The following CCDC62 variants were observed in gnomAD, a reference collection of about 807,000 sequenced individuals.
CCDC62 encodes coiled-coil domain-containing protein 62.
In CCDC62, 72 loss-of-function variants were observed where a neutral mutation model predicts 80.8. The observed-to-expected ratio is 0.89, with a 90% CI of 0.74 to 1.08. The LOEUF is 1.08. CCDC62 is among the 50% of genes least tolerant of loss of function. The pLI is 0.00. For synonymous variants in CCDC62, 286 were observed against 296.5 expected, an observed-to-expected ratio of 0.96 and a Z score of 0.36; for missense variants, 704 against 809.4, an observed-to-expected ratio of 0.87 and a Z score of 1.58.
At chr12:122,785,107 A>C (rs543967274) in intron 3 of CCDC62, among the ~76,000 whole-genome samples, 2 of 152,278 alleles carry the variant, frequency 1.3e-5, no homozygotes, top group East Asian at 3.9e-4. Flanking sequence ...CCACCACTGC[A>C]CTCCAGCCTG....
chr12:122,793,737 G>A (rs761638587), intron 6 of CCDC62, among the ~76,000 whole-genome samples: 14 of 151,940 alleles, frequency 9.2e-5, no homozygotes, highest in South Asian at 2.1e-4. Flanking sequence ...TTACAGGTGC[G>A]AGCCACCATG....
At chr12:122,775,738 A>G (rs839355) in intron 1 of CCDC62, among the ~76,000 whole-genome samples, 141,440 of 152,240 alleles carry the variant, frequency 0.93, 65,866 homozygotes, top group East Asian at 0.99. Context: ...TCAGCCTCCC[A>G]AATAGCTGGG....
chr12:122,789,187 A>G (rs2135541606), intron 5 of CCDC62, among the ~76,000 whole-genome samples: 1 of 152,332 alleles, frequency 6.6e-6, no homozygotes, highest in Non-Finnish European at 1.5e-5. Flanking sequence ...ACCATTAGCT[A>G]TCGCTAATAC....
At chr12:122,818,389 C>A (rs1437142443) in intron 11 of CCDC62, among the ~76,000 whole-genome samples, 1 of 148,898 alleles carries the variant, frequency 6.7e-6, no homozygotes. Flanking sequence ...TGAGGCGGAG[C>A]TTGCAGTGAG....
intron 4 of CCDC62, among the ~76,000 whole-genome samples, chr12:122,787,136 T>G (rs982574282): frequency 1.3e-5 from 2 of 151,932 alleles, no homozygotes; most frequent in Non-Finnish European, 1.5e-5. Context: ...ATTAAAACAG[T>G]GGGTGCGTTA....
At position 122,812,771 on chromosome 12, in the gene CCDC62, GAGAGAGAGAAAGAA is replaced by G. The variant is rs1212904360; in HGVS notation, c.1852-495_1852-482del. ...AGAGAGGGAGGGAGAGAGAGAGAGA[GAGAGAGAGAAAGAA>G]AGAAAGAAAGAAAGAAAGAAAGAAA... On this transcript the variant is annotated intron_variant, in intron 10 of 12. Transcript: ENST00000253079. 1.0e-4 allele frequency among the ~76,000 whole-genome samples: 10 copies of G among 95,248 alleles called. No individual in the cohort carries two copies. In the East Asian group the frequency reaches 1.3e-3, roughly 12 times the overall value. The allele number at this position is 95,248 out of a possible 152,430, so 62.5% of individuals were successfully genotyped here. A position where few individuals can be genotyped will look rare whatever the true frequency, so the allele number is the denominator to read the frequency against.
chr12:122,811,210 CTTT>C (rs34599465), intron 10 of CCDC62, among the ~76,000 whole-genome samples: 2 of 120,090 alleles, frequency 1.7e-5, no homozygotes, highest in Middle Eastern at 4.7e-3. Flanking sequence ...ATTAAGTTTC[CTTT>C]TTTTTTTTTT....
intron 4 of CCDC62, among the ~76,000 whole-genome samples, chr12:122,786,131 T>G (rs762992295): frequency 8.6e-5 from 13 of 152,028 alleles, no homozygotes; most frequent in Non-Finnish European, 1.8e-4. Flanking sequence ...GGCCATTAGA[T>G]TGCTTGAGAG....
At chr12:122,815,365 C>T (rs748131793) in intron 11 of CCDC62, among the ~76,000 whole-genome samples, 10 of 152,214 alleles carry the variant, frequency 6.6e-5, no homozygotes, top group South Asian at 2.1e-4. Flanking sequence ...AGGCGTGAGC[C>T]GCTGTGCCTG....
At chr12:122,822,506 T>G (rs1036210819) in intron 11 of CCDC62, among the ~76,000 whole-genome samples, 2 of 151,300 alleles carry the variant, frequency 1.3e-5, no homozygotes, top group Non-Finnish European at 2.9e-5. Context: ...TAGCTCCCCT[T>G]TCCCCATCCA....
At chr12:122,779,065 T>C (rs1426150601) in intron 2 of CCDC62, among the ~76,000 whole-genome samples, 2 of 152,160 alleles carry the variant, frequency 1.3e-5, no homozygotes, top group African/African-American at 4.8e-5. Context: ...AGATAACACA[T>C]ATAACATATA....
chr12:122,812,771 GAGAGAGAGAA>G lies in CCDC62; in HGVS notation c.1852-495_1852-486del, dbSNP rs1250076236. On this transcript the variant is annotated intron_variant, in intron 10 of 12. Transcript: ENST00000253079. ...AGAGAGGGAGGGAGAGAGAGAGAGAGAGAGAGAGAAAGAAAGAAAGAAAGAAAGAAAGAAA... is the reference window on the plus strand; with the variant it reads ...AGAGAGGGAGGGAGAGAGAGAGAGAGAGAAAGAAAGAAAGAAAGAAAGAAA... 8.1e-4 allele frequency among the ~76,000 whole-genome samples: 77 copies of G among 95,238 alleles called. 2 individuals are homozygous for G. The East Asian group carries it at 0.011, about 14-fold the overall frequency. The allele number at this position is 95,238 out of a possible 152,430, so 62.5% of individuals were successfully genotyped here.
rs753864344 is a variant in CCDC62 at position 122,781,255 on chromosome 12, C to T, written c.321C>T (p.Leu107=). The part of the protein sequence containing the change: ...ESNQMECQTA[L]QKTQLQLQEM... ...ATCAAATGGAATGCCAAACAGCTCTCCAAAAGACCCAACTACAGCTTCAGG... is the reference window on the plus strand; with the variant it reads ...ATCAAATGGAATGCCAAACAGCTCTTCAAAAGACCCAACTACAGCTTCAGG... Residue 107 remains leucine (L), a synonymous_variant, in exon 3 of 13, where the codon CTC becomes CTT. Coordinates refer to ENST00000253079, the MANE Select transcript of CCDC62 (RefSeq NM_201435.5). 1 of 1,614,054 alleles carries T rather than the reference C, an allele frequency of 6.2e-7. No individual in the cohort carries two copies. The highest frequency in any genetic ancestry group is 8.5e-7 in the Non-Finnish European group (1 of 1,179,948).
chr12:122,818,725 C>T (rs2032276424), intron 11 of CCDC62, among the ~76,000 whole-genome samples: 1 of 152,052 alleles, frequency 6.6e-6, no homozygotes, highest in African/African-American at 2.4e-5. Context: ...GAGTTCGAGA[C>T]CAGCCTGGGC....
chr12:122,791,233 C>G (rs2030582460), intron 5 of CCDC62, among the ~76,000 whole-genome samples: 1 of 151,860 alleles, frequency 6.6e-6, no homozygotes, highest in Non-Finnish European at 1.5e-5. Flanking sequence ...CCCCGCCTGC[C>G]TCTCAAGCAA....
rs1263419843 is a variant in CCDC62, at chr12:122,827,185, T to C, written c.*804T>C. On this transcript the variant is annotated 3_prime_UTR_variant, in exon 13 of 13. Coordinates refer to ENST00000253079, the MANE Select transcript of CCDC62 (RefSeq NM_201435.5). ...AAAAGAATAGATCAACTTCAGTCCA[T>C]AAAAGATATTTTTAATATTAAAGAA... 1 of 152,200 alleles carries C rather than the reference T, an allele frequency of 6.6e-6. No individual in the cohort carries two copies. The highest frequency in any genetic ancestry group is 1.5e-5 in the Non-Finnish European group (1 of 68,044). 9.4% of individuals were successfully genotyped at this position (152,200 alleles called of 1,614,324 possible).
chr12:122,806,330 A>C lies in CCDC62; in HGVS notation c.1851+35A>C, dbSNP rs1416411249. 5.1e-6 allele frequency: 8 copies of C among 1,554,510 alleles called. No individual in the cohort carries two copies. In the Admixed American group the frequency reaches 1.5e-4, roughly 28 times the overall value. ...TTGCTTAGACATCCCCAGCTTACTCAAGCCAGGCCTCTCACCAGCTTTTAA... is the reference window on the plus strand; with the variant it reads ...TTGCTTAGACATCCCCAGCTTACTCCAGCCAGGCCTCTCACCAGCTTTTAA... On this transcript the variant is annotated intron_variant, in intron 10 of 12. Coordinates refer to ENST00000253079, the MANE Select transcript of CCDC62 (RefSeq NM_201435.5).
rs965597598 is a variant in CCDC62, at chr12:122,827,201, T to C, written c.*820T>C. The C allele has an allele frequency of 6.6e-6, 1 of 152,228 alleles. No individual in the cohort carries two copies. The highest frequency in any genetic ancestry group is 2.4e-5 in the African/African-American group (1 of 41,468). The allele number at this position is 152,228 out of a possible 1,614,324, so 9.4% of individuals were successfully genotyped here. ...TTCAGTCCATAAAAGATATTTTTAA[T>C]ATTAAAGAAAAAATATGTTTCCTTG... On this transcript the variant is annotated 3_prime_UTR_variant, in exon 13 of 13. Coordinates refer to ENST00000253079, the MANE Select transcript of CCDC62 (RefSeq NM_201435.5).
chr12:122,820,081 A>AAAAG (rs1337324784), intron 11 of CCDC62, among the ~76,000 whole-genome samples: 1 of 150,086 alleles, frequency 6.7e-6, no homozygotes, highest in African/African-American at 2.5e-5. Context: ...AAAAAAAAAA[A>AAAAG]AAGAAGAAGA....
Sources: allele counts gnomAD v4.1 joint callset (sites outside exome capture counted in the v4.1 genomes callset), GRCh38; gene constraint gnomAD v4.1.1; transcripts MANE v1.5; gene names NCBI Gene and HGNC (gene_info 2026-07-23, HGNC 2026-07-21).